LMBRD1: variants seen among roughly 807,000 people sequenced by gnomAD.
LMBRD1 encodes the protein LMBR1 domain containing 1, also known as lysosomal cobalamin transport escort protein LMBD1.
Under a neutral mutation model 74.8 loss-of-function variants are expected in LMBRD1, and 64 were observed. The observed-to-expected ratio is 0.86, with a 90% CI of 0.70 to 1.05. The LOEUF (loss-of-function observed/expected upper bound fraction) is 1.05, where lower values mean the gene tolerates loss of function less well. LMBRD1 is among the 50% of genes least tolerant of loss of function. The probability of loss-of-function intolerance (pLI) is 0.00; values close to 1 mark genes in which losing one functional copy is unlikely to be tolerated. For missense variants in LMBRD1, 652 were observed against 645.9 expected (o/e 1.01, Z -0.10); for synonymous variants, 204 against 216.3 (o/e 0.94, Z 0.50).
chr6:69,702,036 G>T, intron 9 of LMBRD1, 83 bp from the exon 10 acceptor site: 1 of 805,824 alleles, frequency 1.2e-6, no homozygotes, highest in Non-Finnish European at 2.1e-6. Flanking sequence ...AATATGAGTT[G>T]CTAGAATATG....
In LMBRD1 at chr6:69,674,016, A is replaced by G. The variant is rs1401769213; in HGVS notation, c.*2142T>C. 6.6e-6 allele frequency among the ~76,000 whole-genome samples: 1 copy of G among 152,198 alleles called. No individual in the cohort carries two copies. Among genetic ancestry groups the G allele is most frequent in the Non-Finnish European group, 1.5e-5 (1 of 68,024 alleles). On this transcript the variant is annotated 3_prime_UTR_variant, in exon 16 of 16. Coordinates refer to ENST00000649934, the MANE Select transcript of LMBRD1 (RefSeq NM_018368.4). ...CAAAATGCCACAGACTCAGTGGCTT[A>G]AACAACAGAAATTTATTTTCTCACA...
At chr6:69,707,837 C>G (rs565492575) in intron 9 of LMBRD1, among the ~76,000 whole-genome samples, 141 of 151,980 alleles carry the variant, frequency 9.3e-4, no homozygotes, top group African/African-American at 3.3e-3. Context: ...GGAGAATTAC[C>G]GTTTAATAAA....
At chr6:69,710,252 C>A (rs537892307) in intron 9 of LMBRD1, among the ~76,000 whole-genome samples, 1 of 151,610 alleles carries the variant, frequency 6.6e-6, no homozygotes, top group South Asian at 2.1e-4. Context: ...AGCCAATGAG[C>A]AAAGGATAGT....
intron 7 of LMBRD1, among the ~76,000 whole-genome samples, chr6:69,723,192 TAG>T (rs1165422647): frequency 2.0e-5 from 3 of 152,046 alleles, no homozygotes; most frequent in Non-Finnish European, 4.4e-5. Flanking sequence ...TTATTAGAGT[TAG>T]AGAGACAGAC....
At chr6:69,721,795 AT>A (rs1327781873) in intron 7 of LMBRD1, among the ~76,000 whole-genome samples, 1 of 152,194 alleles carries the variant, frequency 6.6e-6, no homozygotes, top group East Asian at 1.9e-4. Context: ...AGAGGACAGC[AT>A]TTTTAGACAT....
intron 3 of LMBRD1, among the ~76,000 whole-genome samples, chr6:69,764,020 G>A (rs895166449): frequency 2.0e-5 from 3 of 150,660 alleles, no homozygotes; most frequent in East Asian, 2.0e-4. Context: ...ATATTTAGAC[G>A]AGACTTTGTA....
At chr6:69,765,470 T>C (rs1250894352) in intron 3 of LMBRD1, among the ~76,000 whole-genome samples, 1 of 152,198 alleles carries the variant, frequency 6.6e-6, no homozygotes, top group Non-Finnish European at 1.5e-5. Flanking sequence ...TTGCTCTATA[T>C]GTCTGACCAT....
At chr6:69,714,932 G>A (rs994351807) in intron 8 of LMBRD1, among the ~76,000 whole-genome samples, 1 of 152,076 alleles carries the variant, frequency 6.6e-6, no homozygotes, top group Non-Finnish European at 1.5e-5. Flanking sequence ...CAGAGGATAT[G>A]ATTTTGTAGG....
At chr6:69,780,640 C>A in intron 2 of LMBRD1, 86 bp from the exon 3 acceptor site, 1 of 946,330 alleles carries the variant, frequency 1.1e-6, no homozygotes, top group Non-Finnish European at 1.7e-6. Context: ...GACTGAATAT[C>A]ACTTCCAAAA....
At chr6:69,719,178 G>T (rs1389160614) in intron 7 of LMBRD1, 97 bp from the exon 8 acceptor site, 2 of 1,162,286 alleles carry the variant, frequency 1.7e-6, no homozygotes, top group African/African-American at 3.1e-5. Flanking sequence ...ATAAGAGTCA[G>T]CAGTTGTGAA....
rs139509679 is a variant in LMBRD1 at position 69,763,329 on chromosome 6, C to G, written c.308-10973G>C. Reference sequence around the variant, plus strand: ...CACATTGCAAAAAAAAATGGAAAAGCTTGTTTTGAAGAGAACACTAAGGGT... The same window carrying G: ...CACATTGCAAAAAAAAATGGAAAAGGTTGTTTTGAAGAGAACACTAAGGGT... On this transcript the variant is annotated intron_variant, in intron 3 of 15. Transcript: ENST00000649934. 2.0e-3 allele frequency among the ~76,000 whole-genome samples: 297 copies of G among 151,658 alleles called. 2 individuals are homozygous for G. The highest frequency in any genetic ancestry group is 3.4e-3 in the Non-Finnish European group (231 of 67,948).
In LMBRD1 at chr6:69,676,043, C is replaced by G. The variant is rs1328280746; in HGVS notation, c.*115G>C. 1.3e-5 allele frequency: 10 copies of G among 764,178 alleles called. No homozygotes were observed. The highest frequency in any genetic ancestry group is 1.7e-5 in the African/African-American group (1 of 57,780). 47.3% of individuals were successfully genotyped at this position (764,178 alleles called of 1,614,324 possible). A position where few individuals can be genotyped will look rare whatever the true frequency, so the allele number is the denominator to read the frequency against. On this transcript the variant is annotated 3_prime_UTR_variant, in exon 16 of 16. Coordinates refer to ENST00000649934, the MANE Select transcript of LMBRD1 (RefSeq NM_018368.4). ...ATAATAAAATATAGTTGTCTTATAG[C>G]CATGCTCCCATTTTTGATGAAAGCT... is the stretch of plus-strand genomic sequence containing the variant.
At position 69,691,927 on chromosome 6, in the gene LMBRD1, A is replaced by G. The variant is rs185888617; in HGVS notation, c.1417+5636T>C. ...AAAGCTTGGTAAACAAATTTTATTT[A>G]TAGAGACTGTATTTTGAATCACCTC... On this transcript the variant is annotated intron_variant, in intron 14 of 15. Coordinates refer to ENST00000649934, the MANE Select transcript of LMBRD1 (RefSeq NM_018368.4). 1.4e-4 allele frequency among the ~76,000 whole-genome samples: 21 copies of G among 150,894 alleles called. No homozygotes were observed. The East Asian group carries it at 4.1e-3, about 29-fold the overall frequency.
At chr6:69,700,191 T>A (rs1251891644) in intron 12 of LMBRD1, among the ~76,000 whole-genome samples, 1 of 151,896 alleles carries the variant, frequency 6.6e-6, no homozygotes, top group Admixed American at 6.6e-5. Flanking sequence ...AAGCCACTAT[T>A]TAACTGAGTT....
intron 14 of LMBRD1, among the ~76,000 whole-genome samples, chr6:69,691,566 T>C (rs1671401597): frequency 6.6e-6 from 1 of 152,060 alleles, no homozygotes. Flanking sequence ...GTCAATGTGC[T>C]CACTTGTTAC....
chr6:69,698,554 C>T (rs565064297), intron 13 of LMBRD1, among the ~76,000 whole-genome samples: 3 of 151,938 alleles, frequency 2.0e-5, no homozygotes, highest in South Asian at 2.1e-4. Context: ...AGCCACAGTT[C>T]GCTTTTGAGA....
intron 3 of LMBRD1, among the ~76,000 whole-genome samples, chr6:69,775,617 C>T (rs1182105847): frequency 1.3e-5 from 2 of 152,142 alleles, no homozygotes; most frequent in Non-Finnish European, 2.9e-5. Context: ...GAGATTTGAG[C>T]CTTTTATTCA....
chr6:69,779,722 T>C (rs1321441075), intron 3 of LMBRD1, among the ~76,000 whole-genome samples: 1 of 152,172 alleles, frequency 6.6e-6, no homozygotes, highest in African/African-American at 2.4e-5. Context: ...TGAAGCAAAG[T>C]AGGTTCAAGA....
At position 69,781,659 on chromosome 6, in the gene LMBRD1, A is replaced by G. The variant is rs572940290; in HGVS notation, c.247-1105T>C. Among the ~76,000 whole-genome samples the G allele has an allele frequency of 1.1e-4, 16 of 152,316 alleles. No homozygotes were observed. In the South Asian group the frequency reaches 1.2e-3, roughly 12 times the overall value. On this transcript the variant is annotated intron_variant, in intron 2 of 15. Transcript: ENST00000649934. ...TGATATCCAAAGCACAATAAAAACA[A>G]TATGTTCCCAATAGTAATAAGGAAT...
Sources: allele counts gnomAD v4.1 joint callset (sites outside exome capture counted in the v4.1 genomes callset), GRCh38; gene constraint gnomAD v4.1.1; transcripts MANE v1.5; gene names NCBI Gene and HGNC (gene_info 2026-07-23, HGNC 2026-07-21).